KHDRBS2: variants seen among roughly 807,000 people sequenced by gnomAD.
KHDRBS2 encodes KH domain-containing, RNA-binding, signal transduction-associated protein 2.
KHDRBS2 carries 26 observed loss-of-function variants against 44.3 expected under a neutral mutation model. The ratio of observed to expected loss-of-function variants is 0.59; its 90% CI spans 0.43 to 0.81. KHDRBS2 has a LOEUF of 0.81. Among genes scored for constraint, KHDRBS2 ranks in the 40% least tolerant of loss-of-function variants. KHDRBS2 has a pLI of 0.00. For synonymous variants in KHDRBS2, 194 were observed against 151.1 expected (o/e 1.28, Z -2.08); for missense variants, 476 against 433.1 (o/e 1.10, Z -0.88).
downstream of KHDRBS2, among the ~76,000 whole-genome samples, chr6:61,679,496 G>A (rs1307884509): frequency 6.6e-6 from 1 of 151,894 alleles, no homozygotes; most frequent in Non-Finnish European, 1.5e-5. Flanking sequence ...TACTATTAGT[G>A]TTACCTGTTT....
chr6:62,041,598 C>A (rs1411091255), intron 3 of KHDRBS2, among the ~76,000 whole-genome samples: 1 of 152,030 alleles, frequency 6.6e-6, no homozygotes, highest in Non-Finnish European at 1.5e-5. Flanking sequence ...TAATGAGTCA[C>A]AAGTGACAAT....
chr6:61,650,014 C>T, the KHDRBS2 span, among the ~76,000 whole-genome samples: 1 of 152,136 alleles, frequency 6.6e-6, no homozygotes, highest in South Asian at 2.1e-4. Flanking sequence ...GTAATTCTCC[C>T]TCCAAGCCCC....
chr6:62,109,359 G>T (rs1054468326), intron 2 of KHDRBS2, among the ~76,000 whole-genome samples: 1 of 151,568 alleles, frequency 6.6e-6, no homozygotes, highest in African/African-American at 2.4e-5. Context: ...TTTTTTTCAA[G>T]AGCATCTTCA....
At chr6:62,118,784 G>C (rs1482698595) in intron 2 of KHDRBS2, among the ~76,000 whole-genome samples, 1 of 152,166 alleles carries the variant, frequency 6.6e-6, no homozygotes, top group East Asian at 1.9e-4. Context: ...CAGACTCTAA[G>C]TTCTACAGCT....
At chr6:61,811,659 A>G (rs1026679887) in intron 6 of KHDRBS2, among the ~76,000 whole-genome samples, 1 of 152,112 alleles carries the variant, frequency 6.6e-6, no homozygotes, top group Admixed American at 6.6e-5. Flanking sequence ...TGAGTGAACC[A>G]ACATGTTTCT....
At chr6:61,573,476 C>A in the KHDRBS2 span, among the ~76,000 whole-genome samples, 77 of 152,130 alleles carry the variant, frequency 5.1e-4, 2 homozygotes, top group South Asian at 0.016. Context: ...AAAGAAACAA[C>A]TTAAAATTGA....
At chr6:62,129,260 G>C (rs187113923) in intron 2 of KHDRBS2, among the ~76,000 whole-genome samples, 1 of 152,076 alleles carries the variant, frequency 6.6e-6, no homozygotes, top group Non-Finnish European at 1.5e-5. Flanking sequence ...ATTTATAGAA[G>C]ACACACTGCA....
At chr6:61,826,358 G>A (rs1790855241) in intron 6 of KHDRBS2, among the ~76,000 whole-genome samples, 1 of 152,054 alleles carries the variant, frequency 6.6e-6, no homozygotes, top group Non-Finnish European at 1.5e-5. Flanking sequence ...AAAAGATGAG[G>A]ATGTATATCT....
chr6:62,265,050 T>C (rs1225767921), intron 1 of KHDRBS2, among the ~76,000 whole-genome samples: 2 of 151,890 alleles, frequency 1.3e-5, no homozygotes, highest in African/African-American at 2.4e-5. Flanking sequence ...CACAGGAAAT[T>C]TGCATTTTTG....
At position 61,765,447 on chromosome 6, in the gene KHDRBS2, T is replaced by TA. The variant is rs555096986; in HGVS notation, c.811-32684dup. ...ACGTGGGCAACAAAGCAAGACCTGG[T>TA]AAAAAATAAACAATAAAAAATAAAT... On this transcript the variant is annotated intron_variant, in intron 6 of 8. Coordinates refer to ENST00000281156, the MANE Select transcript of KHDRBS2 (RefSeq NM_152688.4). Among the ~76,000 whole-genome samples the TA allele has an allele frequency of 2.0e-3, 305 of 152,196 alleles. 1 individual carries two copies. Among genetic ancestry groups the TA allele is most frequent in the Non-Finnish European group, 3.1e-3 (208 of 67,992 alleles).
At chr6:62,211,474 A>C (rs1187974780) in intron 1 of KHDRBS2, among the ~76,000 whole-genome samples, 1 of 152,176 alleles carries the variant, frequency 6.6e-6, no homozygotes, top group Non-Finnish European at 1.5e-5. Flanking sequence ...CAAAAATAAA[A>C]GTTATTTGTA....
intron 7 of KHDRBS2, among the ~76,000 whole-genome samples, chr6:61,728,818 C>CT (rs757467279): frequency 2.6e-5 from 4 of 151,982 alleles, no homozygotes; most frequent in Non-Finnish European, 4.4e-5. Flanking sequence ...TTATCTTCTT[C>CT]TTTTTTTACT....
chr6:62,093,191 A>C (rs542115306), intron 2 of KHDRBS2, among the ~76,000 whole-genome samples: 6 of 151,836 alleles, frequency 4.0e-5, no homozygotes, highest in Non-Finnish European at 8.8e-5. Flanking sequence ...TAAAACTAAG[A>C]AAATGGAGAA....
At chr6:61,557,991 A>G in the KHDRBS2 span, among the ~76,000 whole-genome samples, 1 of 151,994 alleles carries the variant, frequency 6.6e-6, no homozygotes, top group Non-Finnish European at 1.5e-5. Context: ...TCTCCTTTCT[A>G]ATTTCTGATC....
intron 3 of KHDRBS2, among the ~76,000 whole-genome samples, chr6:62,016,212 T>C (rs1003524449): frequency 2.6e-5 from 4 of 152,078 alleles, no homozygotes; most frequent in African/African-American, 7.2e-5. Context: ...TATTTAATAG[T>C]AGAATGAGGT....
intron 8 of KHDRBS2, among the ~76,000 whole-genome samples, chr6:61,695,607 G>A (rs1174418908): frequency 2.0e-5 from 3 of 152,074 alleles, no homozygotes; most frequent in East Asian, 3.9e-4. Context: ...GAGCTTCATA[G>A]CCATACTCTC....
chr6:62,115,183 A>C (rs1805920723), intron 2 of KHDRBS2, among the ~76,000 whole-genome samples: 1 of 152,188 alleles, frequency 6.6e-6, no homozygotes, highest in South Asian at 2.1e-4. Flanking sequence ...TTCAAAAGTC[A>C]GTTTTACCCC....
chr6:62,232,115 T>C (rs1006818384), intron 1 of KHDRBS2, among the ~76,000 whole-genome samples: 2 of 152,156 alleles, frequency 1.3e-5, no homozygotes, highest in African/African-American at 4.8e-5. Flanking sequence ...AAAAATAATA[T>C]TCTTAAAAAG....
chr6:62,151,335 A>G (rs1188848380), intron 2 of KHDRBS2, among the ~76,000 whole-genome samples: 1 of 152,144 alleles, frequency 6.6e-6, no homozygotes, highest in African/African-American at 2.4e-5. Flanking sequence ...GTCACACACA[A>G]TCCATCTGTT....
Sources: allele counts gnomAD v4.1 joint callset (sites outside exome capture counted in the v4.1 genomes callset), GRCh38; gene constraint gnomAD v4.1.1; transcripts MANE v1.5; gene names NCBI Gene and HGNC (gene_info 2026-07-23, HGNC 2026-07-21).